SOX5: variants seen among roughly 807,000 people sequenced by gnomAD.
The protein encoded by SOX5 is SRY-box transcription factor 5, also known as transcription factor SOX-5.
Under a neutral mutation model 92.0 loss-of-function variants are expected in SOX5, and 9 were observed. The observed-to-expected ratio is 0.10, with a 90% CI of 0.06 to 0.17. SOX5 has a LOEUF of 0.17. SOX5 is among the 10% of genes least tolerant of loss of function. The probability of loss-of-function intolerance (pLI) is 1.00; values close to 1 mark genes in which losing one functional copy is unlikely to be tolerated. For missense variants in SOX5, 642 were observed against 944.5 expected, an observed-to-expected ratio of 0.68 and a Z score of 4.20; for synonymous variants, 344 against 336.3, an observed-to-expected ratio of 1.02 and a Z score of -0.25.
chr12:24,224,650 G>A (rs1406270837), intron 3 of SOX5, among the ~76,000 whole-genome samples: 1 of 151,974 alleles, frequency 6.6e-6, no homozygotes, highest in African/African-American at 2.4e-5. Context: ...TATCAGGAGG[G>A]TTGCATATTT....
chr12:23,933,038 T>G (rs1941787128), intron 1 of SOX5, among the ~76,000 whole-genome samples: 2 of 151,718 alleles, frequency 1.3e-5, no homozygotes, highest in Non-Finnish European at 3.0e-5. Context: ...CACTGATGTG[T>G]ACTTTTGTCC....
intron 2 of SOX5, among the ~76,000 whole-genome samples, chr12:23,895,587 C>G (rs571027021): frequency 1.3e-5 from 2 of 152,070 alleles, no homozygotes; most frequent in African/African-American, 2.4e-5. Context: ...TGCAAGAAGT[C>G]TTGAAAAATA....
Position 24,304,664 on chromosome 12 carries a change from A to G in SOX5, c.-173-27352T>C, listed in dbSNP as rs142690910. On this transcript the variant is annotated intron_variant, in intron 2 of 4. Coordinates refer to the SOX5 transcript ENST00000446891. ...CAAATCACTCTCCTGACCATTTTCAATATATCTCTACACAAATGATTAACA... is the reference window on the plus strand; with the variant it reads ...CAAATCACTCTCCTGACCATTTTCAGTATATCTCTACACAAATGATTAACA... Among the ~76,000 whole-genome samples, 589 of 152,206 alleles carry G rather than the reference A, an allele frequency of 3.9e-3. 3 individuals carry two copies. The highest frequency in any genetic ancestry group is 0.014 in the African/African-American group (568 of 41,528).
At chr12:24,127,936 T>A (rs10842277) in intron 4 of SOX5, among the ~76,000 whole-genome samples, 106,980 of 152,092 alleles carry the variant, frequency 0.7, 38,365 homozygotes, top group East Asian at 0.91. Flanking sequence ...GGGAAATAGA[T>A]CGGATCGGGC....
At chr12:24,095,108 CACACACACACACACACACACAGAG>C (rs1945165504) in intron 4 of SOX5, among the ~76,000 whole-genome samples, 2 of 104,360 alleles carry the variant, frequency 1.9e-5, no homozygotes, top group African/African-American at 6.4e-5. Flanking sequence ...CACACACACA[CACACACACACACACACACACAGAG>C]AGAGAGAGAG....
At chr12:23,768,531 G>A (rs2141470378) in intron 3 of SOX5, among the ~76,000 whole-genome samples, 1 of 152,250 alleles carries the variant, frequency 6.6e-6, no homozygotes. Flanking sequence ...ATTCTTCAAA[G>A]GAGATGATTT....
intron 6 of SOX5, among the ~76,000 whole-genome samples, chr12:23,730,629 G>A (rs150061151): frequency 1.3e-3 from 193 of 152,306 alleles, no homozygotes; most frequent in African/African-American, 4.5e-3. Context: ...TTTTAATCCA[G>A]TTAGAATTAT....
chr12:23,936,733 C>A (rs569455523), intron 1 of SOX5, among the ~76,000 whole-genome samples: 5 of 150,902 alleles, frequency 3.3e-5, no homozygotes, highest in African/African-American at 1.2e-4. Context: ...TCATATTTAA[C>A]AAGTTTTTAA....
At chr12:24,385,616 T>C (rs1287713015) in intron 1 of SOX5, among the ~76,000 whole-genome samples, 1 of 152,172 alleles carries the variant, frequency 6.6e-6, no homozygotes, top group Admixed American at 6.5e-5. Flanking sequence ...GAGGGTATGT[T>C]GGGACGTCAT....
intron 2 of SOX5, among the ~76,000 whole-genome samples, chr12:23,861,107 A>C (rs1317022138): frequency 6.6e-6 from 1 of 152,114 alleles, no homozygotes; most frequent in African/African-American, 2.4e-5. Flanking sequence ...GGAAGACTAA[A>C]GCGTGACAAA....
chr12:23,751,006 G>A (rs564240638), intron 4 of SOX5, among the ~76,000 whole-genome samples: 6 of 151,820 alleles, frequency 4.0e-5, no homozygotes, highest in African/African-American at 1.2e-4. Context: ...TATATTCTAC[G>A]CGCCAGCAGT....
intron 2 of SOX5, among the ~76,000 whole-genome samples, chr12:24,361,063 T>C (rs1224601304): frequency 2.0e-5 from 3 of 152,100 alleles, no homozygotes; most frequent in Non-Finnish European, 4.4e-5. Flanking sequence ...GAAAGCAAGG[T>C]CTTAGGTCAG....
chr12:24,289,814 G>C (rs565103832), intron 2 of SOX5, among the ~76,000 whole-genome samples: 1 of 152,314 alleles, frequency 6.6e-6, no homozygotes, highest in South Asian at 2.1e-4. Context: ...TAGAGCAAAA[G>C]GCAGGTTTGT....
chr12:24,360,268 A>T (rs981528077), intron 2 of SOX5, among the ~76,000 whole-genome samples: 2 of 152,236 alleles, frequency 1.3e-5, no homozygotes, highest in African/African-American at 4.8e-5. Flanking sequence ...TGTTTCAGGC[A>T]GAGAAAAATA....
At chr12:24,150,554 T>G (rs1408521268) in intron 4 of SOX5, among the ~76,000 whole-genome samples, 1 of 151,972 alleles carries the variant, frequency 6.6e-6, no homozygotes, top group African/African-American at 2.4e-5. Context: ...CAAAGAAAAC[T>G]GGCAAAATAG....
rs563914716 is a variant in SOX5, at chr12:24,276,765, G to A, written c.-77+451C>T. ...CTGGCTTCAGCAATATTACATTTTC[G>A]TATGTATTAACAGAATCATACCCTG... On this transcript the variant is annotated intron_variant, in intron 3 of 4. Coordinates refer to the SOX5 transcript ENST00000446891. 2.7e-4 allele frequency among the ~76,000 whole-genome samples: 41 copies of A among 152,104 alleles called. 1 individual carries two copies. The highest frequency in any genetic ancestry group is 6.5e-4 in the African/African-American group (27 of 41,512).
At chr12:24,468,434 C>T (rs1944451794) in intron 1 of SOX5, among the ~76,000 whole-genome samples, 1 of 151,892 alleles carries the variant, frequency 6.6e-6, no homozygotes. Context: ...ATAATAAATA[C>T]TATGGTAGTG....
At chr12:23,606,327 T>C (rs546921525) in intron 8 of SOX5, among the ~76,000 whole-genome samples, 77 of 151,998 alleles carry the variant, frequency 5.1e-4, no homozygotes, top group African/African-American at 1.8e-3. Flanking sequence ...ATGAATTTCA[T>C]ATTGTATTGT....
chr12:23,788,868 C>A (rs2095424158), intron 3 of SOX5, among the ~76,000 whole-genome samples: 1 of 151,870 alleles, frequency 6.6e-6, no homozygotes. Flanking sequence ...ATTTAAACAA[C>A]AAAACAGATT....
Sources: allele counts gnomAD v4.1 joint callset (sites outside exome capture counted in the v4.1 genomes callset), GRCh38; gene constraint gnomAD v4.1.1; transcripts MANE v1.5; gene names NCBI Gene and HGNC (gene_info 2026-07-23, HGNC 2026-07-21).